The following EXOC6 variants were observed in gnomAD, a reference collection of about 807,000 sequenced individuals.
EXOC6 encodes SEC15-like 1.
A neutral mutation model predicts 112.5 loss-of-function variants in EXOC6; 60 were observed. The ratio of observed to expected loss-of-function variants is 0.53; its 90% CI spans 0.43 to 0.66. The LOEUF (loss-of-function observed/expected upper bound fraction) is 0.66. Among genes scored for constraint, EXOC6 ranks in the 30% least tolerant of loss-of-function variants. The pLI is 0.00. For synonymous variants in EXOC6, 295 were observed against 308.0 expected, an observed-to-expected ratio of 0.96 and a Z score of 0.44; for missense variants, 855 against 957.1, an observed-to-expected ratio of 0.89 and a Z score of 1.41.
chr10:93,023,848 T>C (rs1299411757), intron 20 of EXOC6, among the ~76,000 whole-genome samples: 3 of 152,236 alleles, frequency 2.0e-5, no homozygotes, highest in Non-Finnish European at 4.4e-5. Flanking sequence ...TTTTATAACT[T>C]ATTTTTTTAA....
At chr10:92,975,549 C>A (rs1357707365) in intron 18 of EXOC6, among the ~76,000 whole-genome samples, 2 of 147,858 alleles carry the variant, frequency 1.4e-5, no homozygotes, top group Non-Finnish European at 3.0e-5. Context: ...CCCAGCCGCC[C>A]CGTCCGGGAC....
In EXOC6 at chr10:92,982,705, A is replaced by G. The variant is rs553198955; in HGVS notation, c.1953+8473A>G. Among the ~76,000 whole-genome samples, 21 of 152,318 alleles carry G rather than the reference A, an allele frequency of 1.4e-4. No homozygotes were observed. In the South Asian group the frequency reaches 4.1e-3, roughly 30 times the overall value. On this transcript the variant is annotated intron_variant, in intron 18 of 21. Coordinates refer to ENST00000260762, the MANE Select transcript of EXOC6 (RefSeq NM_019053.6). Reference sequence around the variant, plus strand: ...TGGGGAAATGTACAAGTGTTACTCTATTTAAACAGCATCTTCTTCTCCATC... The same window carrying G: ...TGGGGAAATGTACAAGTGTTACTCTGTTTAAACAGCATCTTCTTCTCCATC...
intron 1 of EXOC6, among the ~76,000 whole-genome samples, chr10:92,842,211 T>C (rs968718154): frequency 6.6e-6 from 1 of 151,930 alleles, no homozygotes; most frequent in Non-Finnish European, 1.5e-5. Flanking sequence ...ATACAAAAAT[T>C]AGCCGAGTGT....
intron 20 of EXOC6, among the ~76,000 whole-genome samples, chr10:93,016,056 T>G (rs543634988): frequency 6.6e-6 from 1 of 152,280 alleles, no homozygotes; most frequent in South Asian, 2.1e-4. Context: ...ATAAAAAAAA[T>G]TTTATTTTTT....
rs147238556 is a variant in EXOC6 at position 93,038,884 on chromosome 10, C to T, written c.2170-18040C>T. On this transcript the variant is annotated intron_variant, in intron 20 of 21. Transcript: ENST00000260762. Reference sequence around the variant, plus strand: ...AAAGTAAGTATATGTACACACTCCGCACTTTAGGAAGTTATCAATGGCCCA... The same window carrying T: ...AAAGTAAGTATATGTACACACTCCGTACTTTAGGAAGTTATCAATGGCCCA... 2.8e-3 allele frequency among the ~76,000 whole-genome samples: 431 copies of T among 152,296 alleles called. 2 individuals are homozygous for T. The highest frequency in any genetic ancestry group is 9.8e-3 in the African/African-American group (406 of 41,572).
At chr10:92,856,795 G>A (rs1847622656) in intron 1 of EXOC6, among the ~76,000 whole-genome samples, 1 of 151,982 alleles carries the variant, frequency 6.6e-6, no homozygotes, top group Non-Finnish European at 1.5e-5. Flanking sequence ...TAGTTTTTAT[G>A]TCTTTTCAGG....
chr10:92,991,257 G>A (rs1178317696), intron 18 of EXOC6, among the ~76,000 whole-genome samples: 1 of 151,516 alleles, frequency 6.6e-6, no homozygotes, highest in Admixed American at 6.6e-5. Context: ...CCAATATGGT[G>A]ACACCCCGTC....
chr10:92,991,725 TTCTCTCTCTC>T (rs72252880), intron 18 of EXOC6, among the ~76,000 whole-genome samples: 14 of 149,074 alleles, frequency 9.4e-5, no homozygotes, highest in Non-Finnish European at 1.6e-4. Flanking sequence ...CACGTTCTAT[TTCTCTCTCTC>T]TCTCTCTCTC....
chr10:92,862,545 C>T (rs1290986163), intron 1 of EXOC6, among the ~76,000 whole-genome samples: 6 of 152,118 alleles, frequency 3.9e-5, no homozygotes, highest in African/African-American at 1.4e-4. Flanking sequence ...CCAGAACTCA[C>T]TAGACATGAA....
At chr10:92,838,802 C>T (rs768197911) in intron 1 of EXOC6, among the ~76,000 whole-genome samples, 3 of 152,170 alleles carry the variant, frequency 2.0e-5, no homozygotes, top group Non-Finnish European at 4.4e-5. Flanking sequence ...AGGCCAGGCA[C>T]GGTGGCTCAC....
At chr10:92,869,949 CTTT>C (rs34082304) in intron 1 of EXOC6, among the ~76,000 whole-genome samples, 1 of 100,004 alleles carries the variant, frequency 1.0e-5, no homozygotes, top group Non-Finnish European at 2.0e-5. Flanking sequence ...GGCTTGTGGG[CTTT>C]TTTTTTTTTT....
chr10:92,864,454 A>G (rs1848074160), intron 1 of EXOC6, among the ~76,000 whole-genome samples: 1 of 152,220 alleles, frequency 6.6e-6, no homozygotes, highest in African/African-American at 2.4e-5. Flanking sequence ...AATTATTTTT[A>G]AATAATCCTA....
At chr10:92,951,347 T>A (rs573103813) in intron 14 of EXOC6, among the ~76,000 whole-genome samples, 1 of 152,100 alleles carries the variant, frequency 6.6e-6, no homozygotes, top group Admixed American at 6.5e-5. Flanking sequence ...ACAGCAATAA[T>A]TAAGTAATGG....
At chr10:92,940,492 A>G (rs1852595443) in intron 12 of EXOC6, among the ~76,000 whole-genome samples, 1 of 152,178 alleles carries the variant, frequency 6.6e-6, no homozygotes, top group Admixed American at 6.5e-5. Context: ...CATTACTAAA[A>G]AGAGAGAGAA....
At chr10:92,972,225 G>A (rs1453711673) in intron 17 of EXOC6, among the ~76,000 whole-genome samples, 2 of 152,156 alleles carry the variant, frequency 1.3e-5, no homozygotes, top group Non-Finnish European at 2.9e-5. Context: ...AGTGGGCTAG[G>A]GGACGTCCCC....
chr10:92,998,118 G>A (rs1843579988), intron 19 of EXOC6, among the ~76,000 whole-genome samples: 1 of 152,108 alleles, frequency 6.6e-6, no homozygotes, highest in African/African-American at 2.4e-5. Context: ...TAGGTAACAA[G>A]GCTAGCAGAT....
intron 1 of EXOC6, among the ~76,000 whole-genome samples, chr10:92,884,875 T>G (rs1181018464): frequency 2.0e-5 from 3 of 152,110 alleles, no homozygotes; most frequent in Non-Finnish European, 4.4e-5. Context: ...GAAAGGGAAC[T>G]TTTCCTTAAA....
At chr10:93,016,958 G>A (rs1268585921) in intron 20 of EXOC6, among the ~76,000 whole-genome samples, 9 of 151,550 alleles carry the variant, frequency 5.9e-5, no homozygotes, top group Middle Eastern at 3.2e-3. Context: ...GACTACAGGC[G>A]TGTGCCACCA....
chr10:93,047,193 A>G (rs1400135931), intron 20 of EXOC6, among the ~76,000 whole-genome samples: 1 of 152,104 alleles, frequency 6.6e-6, no homozygotes, highest in Non-Finnish European at 1.5e-5. Flanking sequence ...GCCCCAGAGG[A>G]GAGATTGTGA....
Sources: gnomAD v4.1 joint callset for allele counts (sites outside exome capture counted in the v4.1 genomes callset) on GRCh38, gnomAD v4.1.1 for gene constraint, MANE v1.5 for transcripts, NCBI Gene and HGNC (gene_info 2026-07-23, HGNC 2026-07-21) for gene names.